PRLR: variants seen among roughly 807,000 people sequenced by gnomAD.
PRLR encodes prolactin receptor.
In PRLR, 13 loss-of-function variants were observed where a neutral mutation model predicts 40.2. That is an observed-to-expected ratio of 0.32 (90% CI 0.21 to 0.51). PRLR has a LOEUF of 0.51. PRLR is among the 20% of genes least tolerant of loss of function. The pLI is 0.97. For synonymous variants in PRLR, 269 were observed against 278.7 expected (o/e 0.97, Z 0.35); for missense variants, 656 against 747.3 (o/e 0.88, Z 1.42).
At chr5:35,166,155 C>T (rs1774820062) in intron 1 of PRLR, among the ~76,000 whole-genome samples, 2 of 152,132 alleles carry the variant, frequency 1.3e-5, no homozygotes, top group African/African-American at 2.4e-5. Flanking sequence ...AGATTGAGTC[C>T]TCCATAATCA....
intron 1 of PRLR, among the ~76,000 whole-genome samples, chr5:35,193,560 G>A (rs1388396469): frequency 6.6e-6 from 1 of 152,172 alleles, no homozygotes; most frequent in Non-Finnish European, 1.5e-5. Context: ...CACTGAGCTA[G>A]GAAATTCTGA....
chr5:35,224,119 G>T (rs774971637), intron 1 of PRLR, among the ~76,000 whole-genome samples: 1 of 152,108 alleles, frequency 6.6e-6, no homozygotes, highest in Non-Finnish European at 1.5e-5. Flanking sequence ...TTAACATAGC[G>T]TTACAATGCT....
chr5:35,174,217 G>A (rs1373205016), intron 1 of PRLR, among the ~76,000 whole-genome samples: 2 of 152,022 alleles, frequency 1.3e-5, no homozygotes, highest in Non-Finnish European at 1.5e-5. Flanking sequence ...AGCCTCCCAA[G>A]TAGCTGGGAC....
chr5:35,080,677 C>A (rs1330943045), intron 5 of PRLR, among the ~76,000 whole-genome samples: 1 of 152,146 alleles, frequency 6.6e-6, no homozygotes, highest in Non-Finnish European at 1.5e-5. Context: ...TTTGACCCAG[C>A]CATCCCATTA....
intron 1 of PRLR, among the ~76,000 whole-genome samples, chr5:35,173,242 T>C (rs1030345871): frequency 5.9e-5 from 9 of 152,250 alleles, no homozygotes; most frequent in African/African-American, 2.2e-4. Flanking sequence ...TGTTGGCTGA[T>C]AAAATTCAAC....
At chr5:35,196,136 G>T (rs1392725579) in intron 1 of PRLR, among the ~76,000 whole-genome samples, 2 of 150,712 alleles carry the variant, frequency 1.3e-5, no homozygotes, top group African/African-American at 2.4e-5. Context: ...AATGATAAAG[G>T]CCAGGAGAAT....
intron 2 of PRLR, among the ~76,000 whole-genome samples, chr5:35,096,805 G>C (rs1771560056): frequency 6.6e-6 from 1 of 152,058 alleles, no homozygotes; most frequent in Non-Finnish European, 1.5e-5. Context: ...ATTTTCAGTA[G>C]AGACGGGCTT....
chr5:35,083,958 C>T (rs1208606612), intron 5 of PRLR, among the ~76,000 whole-genome samples: 2 of 150,614 alleles, frequency 1.3e-5, no homozygotes, highest in Admixed American at 6.7e-5. Context: ...TATATATATA[C>T]ACACACACTA....
intron 2 of PRLR, among the ~76,000 whole-genome samples, chr5:35,107,538 A>AG (rs1456325398): frequency 3.9e-5 from 6 of 152,156 alleles, no homozygotes; most frequent in African/African-American, 1.2e-4. Context: ...AAAATGATAA[A>AG]GGGATATCAC....
At chr5:35,221,174 A>C (rs1401353883) in intron 1 of PRLR, among the ~76,000 whole-genome samples, 1 of 152,218 alleles carries the variant, frequency 6.6e-6, no homozygotes, top group African/African-American at 2.4e-5. Flanking sequence ...CTACTGCTGT[A>C]ATTATATTTT....
chr5:35,092,733 C>G (rs1771293447), intron 2 of PRLR, among the ~76,000 whole-genome samples: 1 of 152,238 alleles, frequency 6.6e-6, no homozygotes, highest in African/African-American at 2.4e-5. Flanking sequence ...AAAAAGTCAG[C>G]CCCACACATC....
intron 1 of PRLR, among the ~76,000 whole-genome samples, chr5:35,161,523 T>C (rs1317103180): frequency 6.6e-6 from 1 of 152,264 alleles, no homozygotes; most frequent in Non-Finnish European, 1.5e-5. Flanking sequence ...CACATGACTT[T>C]ATTTTCAAAA....
At chr5:35,213,287 C>T (rs986307037) in intron 1 of PRLR, among the ~76,000 whole-genome samples, 3 of 152,146 alleles carry the variant, frequency 2.0e-5, no homozygotes. Context: ...AGCGAGAATC[C>T]ATAAGCATAG....
In PRLR at chr5:35,083,420, ATC is replaced by A. The variant is rs374463454; in HGVS notation, c.373+1048_373+1049del. Among the ~76,000 whole-genome samples, 14 of 142,882 alleles carry A rather than the reference ATC, an allele frequency of 9.8e-5. 1 individual carries two copies. The highest frequency in any genetic ancestry group is 3.7e-3 in the Middle Eastern group (1 of 272). The allele number at this position is 142,882 out of a possible 152,430, so 93.7% of individuals were successfully genotyped here. On this transcript the variant is annotated intron_variant, in intron 5 of 9. Coordinates refer to ENST00000618457, the MANE Select transcript of PRLR (RefSeq NM_000949.7). ...GCACCAGTAGATGCAGAGGTGATAA[ATC>A]TCTCTCTCTCTCTCTTCCTCTCTCT...
rs538078020 is a variant in PRLR, at chr5:35,145,469, G to A, written c.-105-27347C>T. On this transcript the variant is annotated intron_variant, in intron 1 of 9. Coordinates refer to ENST00000618457, the MANE Select transcript of PRLR (RefSeq NM_000949.7). Reference sequence around the variant, plus strand: ...CTTAGGATTGGATGAATCTTTGGAGGTTGCCTTTTCTTACCAAATGCACCC... The same window carrying A: ...CTTAGGATTGGATGAATCTTTGGAGATTGCCTTTTCTTACCAAATGCACCC... 2.1e-4 allele frequency among the ~76,000 whole-genome samples: 32 copies of A among 152,250 alleles called. No homozygotes were observed. The South Asian group carries it at 5.8e-3, about 28-fold the overall frequency.
chr5:35,128,334 C>T (rs531904544), intron 1 of PRLR, among the ~76,000 whole-genome samples: 12 of 150,062 alleles, frequency 8.0e-5, no homozygotes, highest in Middle Eastern at 6.8e-3. Flanking sequence ...TCCACAGATG[C>T]GCAAGTCTTT....
At chr5:35,121,716 C>T (rs762276191) in intron 1 of PRLR, among the ~76,000 whole-genome samples, 62 of 152,162 alleles carry the variant, frequency 4.1e-4, no homozygotes, top group Non-Finnish European at 6.6e-4. Context: ...ACTATTATTA[C>T]CCCTACTTTA....
chr5:35,095,402 CT>C (rs1421102993), intron 2 of PRLR, among the ~76,000 whole-genome samples: 4 of 152,184 alleles, frequency 2.6e-5, no homozygotes, highest in African/African-American at 9.7e-5. Flanking sequence ...ATTTCAAACA[CT>C]AGACTTACAG....
chr5:35,079,396 A>G (rs1770347877), intron 5 of PRLR, among the ~76,000 whole-genome samples: 1 of 152,232 alleles, frequency 6.6e-6, no homozygotes, highest in Non-Finnish European at 1.5e-5. Flanking sequence ...AGTCACAAGC[A>G]TTCCTATACA....
Sources: gnomAD v4.1 joint callset for allele counts (sites outside exome capture counted in the v4.1 genomes callset) on GRCh38, gnomAD v4.1.1 for gene constraint, MANE v1.5 for transcripts, NCBI Gene and HGNC (gene_info 2026-07-23, HGNC 2026-07-21) for gene names.